The following ANKRD36 variants were observed in gnomAD, a reference collection of about 807,000 sequenced individuals.
ANKRD36 encodes the protein ankyrin repeat domain-containing protein 36A.
A neutral mutation model predicts 278.1 loss-of-function variants in ANKRD36; 179 were observed. The ratio of observed to expected loss-of-function variants is 0.64; its 90% CI spans 0.57 to 0.73. The LOEUF (loss-of-function observed/expected upper bound fraction) is 0.73, where lower values mean the gene tolerates loss of function less well. Ranked by LOEUF, ANKRD36 falls within the 30% of genes least tolerant of loss-of-function variation. The pLI is 0.00. For synonymous variants in ANKRD36, 320 were observed against 641.1 expected (o/e 0.50, Z 7.57); for missense variants, 1,159 against 1,956.7 (o/e 0.59, Z 7.69).
intron 24 of ANKRD36, among the ~76,000 whole-genome samples, chr2:97,180,601 A>G (rs1356096434): frequency 6.6e-6 from 1 of 151,808 alleles, no homozygotes; most frequent in African/African-American, 2.4e-5. Flanking sequence ...CCTCTTTGCT[A>G]CTATTAGGCA....
intron 17 of ANKRD36, among the ~76,000 whole-genome samples, chr2:97,161,881 T>G (rs920064300): frequency 2.6e-5 from 4 of 152,224 alleles, no homozygotes; most frequent in Non-Finnish European, 5.9e-5. Flanking sequence ...TTTTATTGAC[T>G]TGAGTTGTAG....
intron 22 of ANKRD36, 40 bp from the exon 23 acceptor site, chr2:97,179,698 A>G: frequency 1.3e-6 from 2 of 1,592,068 alleles, no homozygotes; most frequent in Non-Finnish European, 1.7e-6. Context: ...ACATTATCAT[A>G]TTTACATATG....
chr2:97,131,008 C>G (rs1014346424), intron 6 of ANKRD36, among the ~76,000 whole-genome samples: 1 of 151,864 alleles, frequency 6.6e-6, no homozygotes, highest in African/African-American at 2.4e-5. Flanking sequence ...CTTTATATGT[C>G]TTTTAAATTT....
chr2:97,187,616 C>G (rs2057715053), intron 32 of ANKRD36, among the ~76,000 whole-genome samples: 1 of 151,698 alleles, frequency 6.6e-6, no homozygotes, highest in African/African-American at 2.4e-5. Flanking sequence ...ATACACTTCC[C>G]CACATTGAAA....
intron 12 of ANKRD36, among the ~76,000 whole-genome samples, chr2:97,150,654 AAAT>A (rs1379968772): frequency 3.3e-5 from 5 of 152,238 alleles, no homozygotes; most frequent in Admixed American, 1.3e-4. Context: ...ATATAGAAGA[AAAT>A]AAAATTTAGA....
chr2:97,158,698 G>A, intron 17 of ANKRD36, 43 bp downstream of exon 17: 2 of 1,496,670 alleles, frequency 1.3e-6, no homozygotes, highest in Non-Finnish European at 1.8e-6. Flanking sequence ...AATAATCAGA[G>A]TCCAGTCCTG....
At chr2:97,218,869 A>C (rs1186848251) in intron 64 of ANKRD36, among the ~76,000 whole-genome samples, 181 bp from the exon 65 acceptor site, 9 of 151,270 alleles carry the variant, frequency 5.9e-5, no homozygotes, top group African/African-American at 2.2e-4. Flanking sequence ...TGAAGCTTGT[A>C]TTCCTATTTT....
At chr2:97,125,585 G>T (rs2038367038) in intron 5 of ANKRD36, among the ~76,000 whole-genome samples, 1 of 150,852 alleles carries the variant, frequency 6.6e-6, no homozygotes, top group South Asian at 2.1e-4. Context: ...ATTGCTACCA[G>T]ATCTGTACCC....
intron 11 of ANKRD36, among the ~76,000 whole-genome samples, chr2:97,148,743 G>A (rs1354146610): frequency 6.6e-6 from 1 of 152,310 alleles, no homozygotes; most frequent in East Asian, 1.9e-4. Context: ...GGGGCTCCCT[G>A]TAGTGTTCTA....
At chr2:97,230,800 T>C (rs1196601738) in intron 67 of ANKRD36, among the ~76,000 whole-genome samples, 4 of 152,172 alleles carry the variant, frequency 2.6e-5, no homozygotes, top group African/African-American at 4.8e-5. Context: ...ATGATGGTGA[T>C]GTACAGATGG....
chr2:97,221,760 T>A (rs1576282971), intron 66 of ANKRD36, among the ~76,000 whole-genome samples: 2 of 148,750 alleles, frequency 1.3e-5, no homozygotes, highest in East Asian at 2.0e-4. Context: ...TTTCTTTTGC[T>A]GTGCAGAAGC....
chr2:97,165,870 TTGTCTTATTTATACCAGCAAGCAG>T (rs1330404510), intron 20 of ANKRD36, among the ~76,000 whole-genome samples: 1 of 151,422 alleles, frequency 6.6e-6, no homozygotes, highest in African/African-American at 2.5e-5. Context: ...GGATCTAGCC[TTGTCTTATTTATACCAGCAAGCAG>T]TGTTGTCACT....
chr2:97,163,801 T>C, intron 18 of ANKRD36: 1 of 633,494 alleles, frequency 1.6e-6, no homozygotes, highest in Non-Finnish European at 2.0e-6. Context: ...GGTCTCCATC[T>C]CCTGACTTTG....
At chr2:97,225,352 T>C (rs1262641477) in intron 67 of ANKRD36, among the ~76,000 whole-genome samples, 3 of 152,140 alleles carry the variant, frequency 2.0e-5, no homozygotes, top group Non-Finnish European at 4.4e-5. Flanking sequence ...CTTCAGTTTC[T>C]ATGTTCAGGG....
chr2:97,158,488 A>G (rs2048092327), intron 16 of ANKRD36, 100 bp from the exon 17 acceptor site: 2 of 1,327,400 alleles, frequency 1.5e-6, no homozygotes, highest in Non-Finnish European at 2.1e-6. Flanking sequence ...TGGCCCCCCA[A>G]ACTGCTGGGA....
At chr2:97,177,544 C>G (rs1178172710) in intron 22 of ANKRD36, among the ~76,000 whole-genome samples, 1 of 151,994 alleles carries the variant, frequency 6.6e-6, no homozygotes, top group African/African-American at 2.4e-5. Flanking sequence ...GCTACCTGAT[C>G]TTTGACAAAC....
At chr2:97,242,519 C>T (rs1390303169) in intron 69 of ANKRD36, among the ~76,000 whole-genome samples, 1 of 139,522 alleles carries the variant, frequency 7.2e-6, no homozygotes, top group Non-Finnish European at 1.5e-5. Flanking sequence ...TACTAATCAG[C>T]AGGATAGACT....
At chr2:97,230,774 C>G (rs1328836494) in intron 67 of ANKRD36, among the ~76,000 whole-genome samples, 2 of 152,048 alleles carry the variant, frequency 1.3e-5, no homozygotes. Context: ...GAGGTTTTAT[C>G]TACTTTTGGT....
At position 97,194,735 on chromosome 2, in the gene ANKRD36, G is replaced by T. The variant is rs756384967; in HGVS notation, c.2459G>T (p.Arg820Leu). Residue 820 changes from arginine to leucine, a missense_variant, in exon 39 of 76, where the codon CGG becomes CTG. Coordinates refer to ENST00000420699, the MANE Select transcript of ANKRD36 (RefSeq NM_001354587.1). ...DGEKSRTVSSRKKPALKATSD... is the reference protein window; with the variant it reads ...DGEKSRTVSSLKKPALKATSD... ...CCCTTTTGCTTTTCAGTGTCTTCTC[G>T]GAAAAAACCAGCCTTGAAGGTAATG... The T allele has an allele frequency of 3.1e-6, 5 of 1,604,498 alleles. No homozygotes were observed. The highest frequency in any genetic ancestry group is 2.2e-5 in the South Asian group (2 of 90,570).
Sources: gnomAD v4.1 joint callset for allele counts (sites outside exome capture counted in the v4.1 genomes callset) on GRCh38, gnomAD v4.1.1 for gene constraint, MANE v1.5 for transcripts, NCBI Gene and HGNC (gene_info 2026-07-23, HGNC 2026-07-21) for gene names.